The following DLG2 variants were observed in gnomAD, a reference collection of about 807,000 sequenced individuals.
DLG2 encodes disks large homolog 2.
Under a neutral mutation model 132.5 loss-of-function variants are expected in DLG2, and 45 were observed. The ratio of observed to expected loss-of-function variants is 0.34; its 90% CI spans 0.27 to 0.44. The LOEUF (loss-of-function observed/expected upper bound fraction) is 0.44, where lower values mean the gene tolerates loss of function less well. DLG2 is among the 20% of genes least tolerant of loss of function. The pLI is 1.00. For synonymous variants in DLG2, 424 were observed against 419.6 expected (o/e 1.01, Z -0.13); for missense variants, 1,045 against 1,196.9 (o/e 0.87, Z 1.87).
At chr11:85,242,214 A>T (rs1297797572) in intron 4 of DLG2, among the ~76,000 whole-genome samples, 2 of 151,910 alleles carry the variant, frequency 1.3e-5, no homozygotes, top group African/African-American at 4.8e-5. Flanking sequence ...AAAGTGTTAA[A>T]CCATCGTCTT....
chr11:84,001,231 A>G (rs2094329509), intron 11 of DLG2, among the ~76,000 whole-genome samples: 1 of 151,944 alleles, frequency 6.6e-6, no homozygotes, highest in Non-Finnish European at 1.5e-5. Context: ...TGAAGACACA[A>G]AATAAAGGGA....
intron 6 of DLG2, among the ~76,000 whole-genome samples, chr11:84,839,826 T>C (rs893059211): frequency 1.3e-5 from 2 of 152,112 alleles, no homozygotes; most frequent in African/African-American, 4.8e-5. Context: ...TTACACCTTA[T>C]ACAAAAATTA....
chr11:84,114,838 T>C (rs540028503), intron 9 of DLG2, among the ~76,000 whole-genome samples: 1 of 151,638 alleles, frequency 6.6e-6, no homozygotes, highest in African/African-American at 2.4e-5. Context: ...TTTTTTTTTT[T>C]TTTTCATTTT....
chr11:83,930,424 C>T lies in DLG2; in HGVS notation c.1400G>A (p.Arg467Lys). The T allele has an allele frequency of 6.2e-7, 1 of 1,613,996 alleles. No homozygotes were observed. The highest frequency in any genetic ancestry group is 8.5e-7 in the Non-Finnish European group (1 of 1,179,890). ...GTCACACTCAACAGGGGAATAGTGCCTGGGAGAAGCAGGCTTATCACATAG... is the reference window on the plus strand; with the variant it reads ...GTCACACTCAACAGGGGAATAGTGCTTGGGAGAAGCAGGCTTATCACATAG... ...NKLCDKPASPRHYSPVECDKS... is the reference protein window; with the variant it reads ...NKLCDKPASPKHYSPVECDKS... Residue 467 changes from arginine to lysine, a missense_variant, in exon 15 of 28, where the codon AGG becomes AAG. By Grantham distance (26) the Arg-to-Lys change is conservative. Coordinates refer to ENST00000376104, the MANE Select transcript of DLG2 (RefSeq NM_001142699.3).
At chr11:83,486,109 G>T in intron 21 of DLG2, 1 of 578,086 alleles carries the variant, frequency 1.7e-6, no homozygotes, top group South Asian at 2.2e-5. Flanking sequence ...TGTAATTTAG[G>T]GTTGGTGTCC....
intron 3 of DLG2, among the ~76,000 whole-genome samples, chr11:85,586,748 G>GT (rs1403769059): frequency 1.3e-5 from 2 of 151,952 alleles, no homozygotes; most frequent in African/African-American, 4.8e-5. Flanking sequence ...GTTTGGGTTG[G>GT]TTTTTCTTTG....
chr11:84,870,023 T>C (rs1306623687), intron 6 of DLG2, among the ~76,000 whole-genome samples: 1 of 152,204 alleles, frequency 6.6e-6, no homozygotes, highest in Non-Finnish European at 1.5e-5. Context: ...GTTTATTGCA[T>C]GGGTTTTTGA....
chr11:83,839,457 C>T (rs2057052330), intron 16 of DLG2, among the ~76,000 whole-genome samples: 1 of 152,084 alleles, frequency 6.6e-6, no homozygotes. Context: ...CATATATTTT[C>T]CTGTTAGAGG....
At chr11:85,500,254 G>T (rs752867614) in intron 3 of DLG2, among the ~76,000 whole-genome samples, 1 of 151,266 alleles carries the variant, frequency 6.6e-6, no homozygotes, top group Non-Finnish European at 1.5e-5. Context: ...AAAGTCTAAA[G>T]TTACAAAATC....
chr11:84,653,817 G>T (rs1414474279), intron 6 of DLG2, among the ~76,000 whole-genome samples: 3 of 152,078 alleles, frequency 2.0e-5, no homozygotes, highest in Admixed American at 1.3e-4. Flanking sequence ...GCAATAACAG[G>T]ATGGGGCATA....
chr11:84,846,916 C>T (rs962494687), intron 6 of DLG2, among the ~76,000 whole-genome samples: 1 of 151,824 alleles, frequency 6.6e-6, no homozygotes, highest in Non-Finnish European at 1.5e-5. Context: ...GAAGGCAAGC[C>T]CTGAGACTAC....
chr11:85,079,641 T>C (rs1234360252), intron 6 of DLG2, among the ~76,000 whole-genome samples: 1 of 152,140 alleles, frequency 6.6e-6, no homozygotes, highest in Non-Finnish European at 1.5e-5. Context: ...GGGACCGCTA[T>C]GGCCAAGTGA....
At chr11:83,760,289 A>G (rs1338025852) in intron 18 of DLG2, among the ~76,000 whole-genome samples, 1 of 152,234 alleles carries the variant, frequency 6.6e-6, no homozygotes, top group African/African-American at 2.4e-5. Context: ...AGTCCAGCTT[A>G]TATTCCCATT....
At chr11:83,887,807 A>C (rs1315423576) in intron 15 of DLG2, among the ~76,000 whole-genome samples, 1 of 151,462 alleles carries the variant, frequency 6.6e-6, no homozygotes, top group Non-Finnish European at 1.5e-5. Flanking sequence ...ACGCAAATCA[A>C]TAAATGTAAT....
intron 21 of DLG2, among the ~76,000 whole-genome samples, chr11:83,499,895 A>ATATCTATCTATC (rs1555113456): frequency 6.0e-4 from 69 of 114,486 alleles, no homozygotes; most frequent in African/African-American, 2.2e-3. Flanking sequence ...ATATATATAT[A>ATATCTATCTATC]TATCAGTTCT....
chr11:83,573,045 A>C (rs2096823959), intron 19 of DLG2, among the ~76,000 whole-genome samples: 1 of 152,174 alleles, frequency 6.6e-6, no homozygotes, highest in African/African-American at 2.4e-5. Flanking sequence ...TTATGATTTG[A>C]AAACAATATG....
intron 3 of DLG2, among the ~76,000 whole-genome samples, chr11:85,340,867 T>C (rs1382766928): frequency 6.6e-6 from 1 of 152,212 alleles, no homozygotes; most frequent in Non-Finnish European, 1.5e-5. Flanking sequence ...CATGCATGTT[T>C]CATTGTTGTA....
At chr11:84,448,293 T>G (rs1306412547) in intron 7 of DLG2, among the ~76,000 whole-genome samples, 5 of 152,074 alleles carry the variant, frequency 3.3e-5, no homozygotes, top group Non-Finnish European at 7.4e-5. Context: ...AGTTTTAATT[T>G]CATTTCCATC....
At chr11:85,014,337 A>G (rs544986576) in intron 6 of DLG2, among the ~76,000 whole-genome samples, 1 of 152,166 alleles carries the variant, frequency 6.6e-6, no homozygotes, top group Non-Finnish European at 1.5e-5. Context: ...GGTGCTCAAT[A>G]TGTTTTAGTT....
Sources: allele counts gnomAD v4.1 joint callset (sites outside exome capture counted in the v4.1 genomes callset), GRCh38; gene constraint gnomAD v4.1.1; transcripts MANE v1.5; gene names NCBI Gene and HGNC (gene_info 2026-07-23, HGNC 2026-07-21).